Variants in ZC3H11A observed in about 807,000 individuals in gnomAD.
ZC3H11A encodes the protein zinc finger CCCH-type containing 11A, also known as zinc finger CCCH domain-containing protein 11A.
Under a neutral mutation model 90.8 loss-of-function variants are expected in ZC3H11A, and 22 were observed. That is an observed-to-expected ratio of 0.24 (90% CI 0.17 to 0.35). The LOEUF is 0.35. Ranked by LOEUF, ZC3H11A falls within the 10% of genes least tolerant of loss-of-function variation. The pLI is 1.00. For missense variants in ZC3H11A, 701 were observed against 964.9 expected (o/e 0.73, Z 3.62); for synonymous variants, 294 against 339.8 (o/e 0.87, Z 1.48).
intron 4 of ZC3H11A, among the ~76,000 whole-genome samples, chr1:203,823,561 A>G (rs139372037): frequency 1.5e-3 from 221 of 152,324 alleles, no homozygotes; most frequent in African/African-American, 5.0e-3. Context: ...CCACTTACCA[A>G]TTAACTTGGA....
chr1:203,824,575 A>G (rs1679868743), intron 4 of ZC3H11A, among the ~76,000 whole-genome samples: 1 of 152,186 alleles, frequency 6.6e-6, no homozygotes, highest in Non-Finnish European at 1.5e-5. Flanking sequence ...CATGTGTCAC[A>G]TTGGTTCACA....
chr1:203,805,820 T>C, intron 2 of ZC3H11A: 1 of 873,040 alleles, frequency 1.1e-6, no homozygotes, highest in Non-Finnish European at 1.9e-6. Context: ...CCGCCATAAC[T>C]GCGACTCAGT....
rs764796461 is a variant in ZC3H11A, at chr1:203,852,125, C to G, written c.2175-16C>G. ...TTTAAAACGGCAGTTTTCTAATAAT[C>G]TTTTTTTTCTTACAGTCTTGTGCTG... On this transcript the variant is annotated splice_polypyrimidine_tract_variant and intron_variant, in intron 17 of 17. Transcript: ENST00000367210. 1.2e-6 allele frequency: 2 copies of G among 1,612,422 alleles called. No individual in the cohort carries two copies. The highest frequency in any genetic ancestry group is 2.7e-5 in the African/African-American group (2 of 74,614).
At chr1:203,837,892 C>T (rs573629327) in intron 10 of ZC3H11A, 74 bp from the exon 11 acceptor site, 18 of 1,382,836 alleles carry the variant, frequency 1.3e-5, no homozygotes, top group Non-Finnish European at 1.8e-5. Context: ...GCTATGTTGT[C>T]TGTTTTTGTT....
intron 4 of ZC3H11A, among the ~76,000 whole-genome samples, chr1:203,822,364 C>T (rs1679065241): frequency 6.6e-6 from 1 of 152,006 alleles, no homozygotes; most frequent in African/African-American, 2.4e-5. Context: ...TGCTAAGCCT[C>T]CCTGCTTGCT....
intron 11 of ZC3H11A, among the ~76,000 whole-genome samples, chr1:203,839,897 G>A (rs58980995): frequency 6.6e-6 from 1 of 152,000 alleles, no homozygotes; most frequent in African/African-American, 2.4e-5. Flanking sequence ...TCCACCTCCC[G>A]GGTTCAAACG....
At chr1:203,818,031 G>GC (rs1047853409) in intron 3 of ZC3H11A, among the ~76,000 whole-genome samples, 2 of 152,066 alleles carry the variant, frequency 1.3e-5, no homozygotes, top group African/African-American at 4.8e-5. Flanking sequence ...ACAGGCGTGA[G>GC]CCCCCACGCC....
In ZC3H11A at chr1:203,850,012, A is replaced by C. The variant is rs1165499252; in HGVS notation, c.1925A>C (p.Glu642Ala). Residue 642 changes from glutamate to alanine, a missense_variant, in exon 15 of 18, where the codon GAA (glutamate) becomes GCA (alanine). Coordinates refer to ENST00000367210, the MANE Select transcript of ZC3H11A (RefSeq NM_001376342.1). ...LNVKCAAQTL[E>A]KRGKAKPKVN... is the part of the protein sequence containing the mutation. ...GTGAAATGTGCAGCACAGACCTTGG[A>C]AAAAAGGGGTAAAGGCAAGTATTTC... is the stretch of plus-strand genomic sequence containing the variant. 1 of 1,613,810 alleles carries C rather than the reference A, an allele frequency of 6.2e-7. No homozygotes were observed. The highest frequency in any genetic ancestry group is 1.7e-5 in the Admixed American group (1 of 59,990).
chr1:203,806,691 GCTTAT>G (rs1245026210), intron 2 of ZC3H11A, among the ~76,000 whole-genome samples: 6 of 152,122 alleles, frequency 3.9e-5, no homozygotes, highest in Non-Finnish European at 7.4e-5. Context: ...TCCTTTTTTC[GCTTAT>G]CTTGAGTTAG....
rs1241478527 is a variant in ZC3H11A, at chr1:203,847,538, T to C, written c.1397T>C (p.Met466Thr). The change falls in exon 13 of 18, where the codon ATG becomes ACG. Residue 466 changes from methionine (M) to threonine (T), a missense_variant. Coordinates refer to ENST00000367210, the MANE Select transcript of ZC3H11A (RefSeq NM_001376342.1). ...SEEPAGKTKS[M>T]QEVHIKTLEE... ...GAGCCTGCAGGTAAAACAAAGTCTA[T>C]GCAGGAGGTGCACATCAAGACGCTG... is the stretch of plus-strand genomic sequence containing the variant. The C allele has an allele frequency of 6.2e-7, 1 of 1,613,928 alleles. No homozygotes were observed. The highest frequency in any genetic ancestry group is 8.5e-7 in the Non-Finnish European group (1 of 1,179,876).
chr1:203,819,075 A>ATAT lies in ZC3H11A; in HGVS notation c.174+386_174+387insTAT, dbSNP rs1266165633. 3.2e-5 allele frequency among the ~76,000 whole-genome samples: 3 copies of ATAT among 92,568 alleles called. No homozygotes were observed. The South Asian group carries it at 1.1e-3, about 34-fold the overall frequency. 60.7% of individuals were successfully genotyped at this position (92,568 alleles called of 152,430 possible). A position where few individuals can be genotyped will look rare whatever the true frequency, so the allele number is the denominator to read the frequency against. On this transcript the variant is annotated intron_variant, in intron 4 of 17. Coordinates refer to ENST00000367210, the MANE Select transcript of ZC3H11A (RefSeq NM_001376342.1). ...AGAGCAACACTCCGTCTCAAAAAAA[A>ATAT]AAATATATATATATACACACACACA...
Position 203,851,170 on chromosome 1 carries a change from C to G in ZC3H11A, c.2174+46C>G, listed in dbSNP as rs779172405. 24 of 1,557,410 alleles carry G rather than the reference C, an allele frequency of 1.5e-5. No homozygotes were observed. In the South Asian group the frequency reaches 2.7e-4, roughly 17 times the overall value. On this transcript the variant is annotated intron_variant, in intron 17 of 17. Transcript: ENST00000367210. ...CTAAACAAACTCCAGGCCCCTGTTA[C>G]TGTTTAGGCTCTCTAGAGAATAACA...
At chr1:203,807,537 G>GT (rs1672793998) in intron 2 of ZC3H11A, among the ~76,000 whole-genome samples, 1 of 149,104 alleles carries the variant, frequency 6.7e-6, no homozygotes, top group Non-Finnish European at 1.5e-5. Context: ...TTTTTTGTTG[G>GT]TTTTTTAGAG....
Position 203,840,359 on chromosome 1 carries a change from A to G in ZC3H11A, c.1027A>G (p.Asn343Asp). 1 of 1,613,012 alleles carries G rather than the reference A, an allele frequency of 6.2e-7. No individual in the cohort carries two copies. Residue 343 changes from asparagine to aspartate, a missense_variant, in exon 12 of 18, where the codon AAT becomes GAT. By Grantham distance (23) the Asn-to-Asp change is conservative (BLOSUM62 1). Coordinates refer to ENST00000367210, the MANE Select transcript of ZC3H11A (RefSeq NM_001376342.1). ...ATTAGGCATGTCAGCTGATCCAGAT[A>G]ATGAGGATGCAACAGGTAAGTAAAT... ...ERLGMSADPDNEDATDKVNKV... is the reference protein window; with the variant it reads ...ERLGMSADPDDEDATDKVNKV...
intron 4 of ZC3H11A, among the ~76,000 whole-genome samples, chr1:203,818,984 G>A (rs886276721): frequency 6.0e-5 from 9 of 151,042 alleles, no homozygotes; most frequent in South Asian, 4.2e-4. Context: ...CAGGAAAATC[G>A]CTCGAACCAG....
intron 2 of ZC3H11A, chr1:203,814,772 G>A (rs1163645877): frequency 6.6e-6 from 1 of 151,950 alleles, no homozygotes; most frequent in African/African-American, 2.4e-5. Context: ...TCACTTTCTG[G>A]TATGAAACTC....
At chr1:203,832,400 G>T (rs1307193573) in intron 9 of ZC3H11A, among the ~76,000 whole-genome samples, 1 of 150,750 alleles carries the variant, frequency 6.6e-6, no homozygotes, top group Non-Finnish European at 1.5e-5. Context: ...TTGCTCTGTC[G>T]CCCAGGCTAA....
chr1:203,805,727 C>T (rs1672096213), intron 2 of ZC3H11A: 3 of 663,500 alleles, frequency 4.5e-6, no homozygotes, highest in Admixed American at 1.8e-5. Context: ...GCTGGCTCAT[C>T]TAAATAGAAC....
intron 2 of ZC3H11A, among the ~76,000 whole-genome samples, chr1:203,809,612 A>G (rs1230033444): frequency 1.3e-5 from 2 of 151,878 alleles, no homozygotes; most frequent in African/African-American, 4.8e-5. Flanking sequence ...GAAAGGTCCC[A>G]TTATTTTTCT....
Sources: gnomAD v4.1 joint callset for allele counts (sites outside exome capture counted in the v4.1 genomes callset) on GRCh38, gnomAD v4.1.1 for gene constraint, MANE v1.5 for transcripts, NCBI Gene and HGNC (gene_info 2026-07-23, HGNC 2026-07-21) for gene names.